Variants in SATB2 observed in about 807,000 individuals in gnomAD.
The protein encoded by SATB2 is DNA-binding protein SATB2.
In SATB2, 1 loss-of-function variant was observed where a neutral mutation model predicts 73.4. The ratio of observed to expected loss-of-function variants is 0.01; its 90% CI spans 0.00 to 0.06. The LOEUF (loss-of-function observed/expected upper bound fraction) is 0.06. Among genes scored for constraint, SATB2 ranks in the 10% least tolerant of loss-of-function variants. SATB2 has a pLI of 1.00. For missense variants in SATB2, 459 were observed against 945.8 expected (o/e 0.49, Z 6.75); for synonymous variants, 397 against 367.0 (o/e 1.08, Z -0.93).
rs944002526 is a variant in SATB2 at position 199,463,766 on chromosome 2, C to T, written c.-141+1070G>A. On this transcript the variant is annotated intron_variant, in intron 1 of 11. Transcript: ENST00000260926. This position sits in a 1 kb window ranked among gnomAD's most constrained non-coding sequence, Gnocchi z 6.4. ...CAAAATACGAACGCCCACAGTTTGTCCCAACCCCTTGAAATGAAAAGTACA... is the reference window on the plus strand; with the variant it reads ...CAAAATACGAACGCCCACAGTTTGTTCCAACCCCTTGAAATGAAAAGTACA... Among the ~76,000 whole-genome samples, 1 of 152,192 alleles carries T rather than the reference C, an allele frequency of 6.6e-6. No individual in the cohort carries two copies. The highest frequency in any genetic ancestry group is 1.5e-5 in the Non-Finnish European group (1 of 68,024).
intron 10 of SATB2, among the ~76,000 whole-genome samples, chr2:199,276,562 A>G (rs1468324148): frequency 6.6e-6 from 1 of 152,152 alleles, no homozygotes; most frequent in Non-Finnish European, 1.5e-5. Context: ...GTTAATTAAT[A>G]TTTTAAGTCA....
intron 10 of SATB2, among the ~76,000 whole-genome samples, chr2:199,283,146 C>A (rs922076746): frequency 6.7e-6 from 1 of 149,000 alleles, no homozygotes; most frequent in South Asian, 2.1e-4. Flanking sequence ...TGCAATGGTG[C>A]GATCTCGGCT....
At chr2:199,407,526 A>C (rs954603545) in intron 3 of SATB2, among the ~76,000 whole-genome samples, 6 of 152,186 alleles carry the variant, frequency 3.9e-5, no homozygotes, top group African/African-American at 1.4e-4. Context: ...GAAACCTCTA[A>C]CTTTGACAAA....
intron 10 of SATB2, among the ~76,000 whole-genome samples, chr2:199,287,947 A>G (rs1692736077): frequency 6.6e-6 from 1 of 152,188 alleles, no homozygotes; most frequent in Non-Finnish European, 1.5e-5. Context: ...TAGCTAGCTA[A>G]TGGAGAAAAA....
chr2:199,275,110 C>T (rs1203596553), intron 10 of SATB2, among the ~76,000 whole-genome samples: 1 of 152,132 alleles, frequency 6.6e-6, no homozygotes, highest in Non-Finnish European at 1.5e-5. Context: ...ATTATGCTTG[C>T]CTTCTGTAGT....
At chr2:199,413,113 A>C (rs759799239) in intron 3 of SATB2, among the ~76,000 whole-genome samples, 2 of 152,252 alleles carry the variant, frequency 1.3e-5, no homozygotes, top group Non-Finnish European at 2.9e-5. Flanking sequence ...AATTAGGAGA[A>C]AACATTTTTT....
At chr2:199,433,737 C>G (rs1004135925) in intron 2 of SATB2, among the ~76,000 whole-genome samples, 3 of 151,956 alleles carry the variant, frequency 2.0e-5, no homozygotes, top group Non-Finnish European at 4.4e-5. Context: ...CTTAGATTCC[C>G]GTCATTTTCA....
upstream of SATB2, chr2:199,468,817 CT>C (rs1387006529): frequency 6.6e-6 from 1 of 152,406 alleles, no homozygotes; most frequent in East Asian, 1.9e-4. Context: ...AATCTCTGCA[CT>C]TTGTCATCAC....
chr2:199,405,286 T>G (rs1690597252), intron 3 of SATB2, among the ~76,000 whole-genome samples: 5 of 152,136 alleles, frequency 3.3e-5, no homozygotes, highest in Admixed American at 3.3e-4. Context: ...TGCATAATAT[T>G]GGTTTCATCA....
At chr2:199,451,775 C>T (rs1423044602) in intron 2 of SATB2, among the ~76,000 whole-genome samples, 1 of 152,048 alleles carries the variant, frequency 6.6e-6, no homozygotes, top group Non-Finnish European at 1.5e-5. Flanking sequence ...AGACAATGTT[C>T]AGCTTTAAAT....
chr2:199,442,325 T>C (rs1052042237), intron 2 of SATB2, among the ~76,000 whole-genome samples: 2 of 152,160 alleles, frequency 1.3e-5, no homozygotes, highest in East Asian at 1.9e-4. Context: ...CCAGGGGATG[T>C]TGGCCAGATC....
chr2:199,465,434 A>G (rs1692574994), upstream of SATB2, among the ~76,000 whole-genome samples: 1 of 152,236 alleles, frequency 6.6e-6, no homozygotes, highest in Admixed American at 6.5e-5. Context: ...CTTTCATTAC[A>G]TTCTGACTTC....
chr2:199,321,517 C>T (rs12474266), intron 9 of SATB2, among the ~76,000 whole-genome samples: 2 of 150,506 alleles, frequency 1.3e-5, no homozygotes, highest in South Asian at 2.1e-4. Flanking sequence ...CATGTATATA[C>T]ACACATATAC....
upstream of SATB2, among the ~76,000 whole-genome samples, chr2:199,461,923 C>T (rs1039422704): frequency 2.0e-5 from 3 of 152,178 alleles, no homozygotes; most frequent in Admixed American, 6.5e-5. Context: ...GCTTTCGACC[C>T]TGGTCAACCT....
chr2:199,387,417 A>C (rs749498543), intron 3 of SATB2, among the ~76,000 whole-genome samples: 4 of 152,238 alleles, frequency 2.6e-5, no homozygotes, highest in Non-Finnish European at 5.9e-5. Flanking sequence ...GTGACATCAC[A>C]GTCCCAGAAG....
At chr2:199,345,085 C>A (rs1474785046) in intron 7 of SATB2, among the ~76,000 whole-genome samples, 1 of 151,996 alleles carries the variant, frequency 6.6e-6, no homozygotes, top group Non-Finnish European at 1.5e-5. Context: ...CTCCACCTGC[C>A]CCCATCTCCT....
At chr2:199,338,545 T>TA (rs1208893498) in intron 7 of SATB2, among the ~76,000 whole-genome samples, 2 of 152,186 alleles carry the variant, frequency 1.3e-5, no homozygotes, top group African/African-American at 2.4e-5. Flanking sequence ...TTTTCTTTAG[T>TA]AAAAACAGAG....
chr2:199,393,460 T>C (rs998009425), intron 3 of SATB2, among the ~76,000 whole-genome samples: 1 of 152,110 alleles, frequency 6.6e-6, no homozygotes, highest in Non-Finnish European at 1.5e-5. Context: ...CCAAGAGATG[T>C]TCTAGACACC....
intron 8 of SATB2, among the ~76,000 whole-genome samples, chr2:199,325,712 C>T (rs544254701): frequency 3.9e-4 from 59 of 152,188 alleles, no homozygotes; most frequent in African/African-American, 1.3e-3. Context: ...AGGGCTAAGA[C>T]GAAACCCCTC....
Sources: allele counts gnomAD v4.1 joint callset (sites outside exome capture counted in the v4.1 genomes callset), GRCh38; gene constraint gnomAD v4.1.1; non-coding constraint Gnocchi (gnomAD v3.1); transcripts MANE v1.5; gene names NCBI Gene and HGNC (gene_info 2026-07-23, HGNC 2026-07-21).